Variants in DPYD observed in about 807,000 individuals in gnomAD.
DPYD encodes dihydropyrimidine dehydrogenase [NADP(+)].
Under a neutral mutation model 116.2 loss-of-function variants are expected in DPYD, and 109 were observed. The ratio of observed to expected loss-of-function variants is 0.94; its 90% CI spans 0.80 to 1.10. DPYD has a LOEUF of 1.10. Among genes scored for constraint, DPYD ranks in the 50% least tolerant of loss-of-function variants. The pLI is 0.00. For missense variants in DPYD, 1,302 were observed against 1,254.5 expected, an observed-to-expected ratio of 1.04 and a Z score of -0.57; for synonymous variants, 440 against 432.0, an observed-to-expected ratio of 1.02 and a Z score of -0.23.
intron 2 of DPYD, chr1:97,855,735 A>G (rs1670805295): frequency 6.6e-6 from 1 of 152,254 alleles, no homozygotes; most frequent in African/African-American, 2.4e-5. Flanking sequence ...GAACAACTTC[A>G]GACAGCATTG....
chr1:97,788,962 C>A (rs1667180790), intron 3 of DPYD, among the ~76,000 whole-genome samples: 1 of 152,042 alleles, frequency 6.6e-6, no homozygotes, highest in East Asian at 1.9e-4. Context: ...CACCACCATG[C>A]CCGGCTAATT....
intron 12 of DPYD, among the ~76,000 whole-genome samples, chr1:97,539,705 A>G (rs1390968355): frequency 1.3e-5 from 2 of 152,226 alleles, no homozygotes; most frequent in Non-Finnish European, 2.9e-5. Flanking sequence ...ATTTCTATAA[A>G]GATCAACATT....
chr1:97,561,370 G>C (rs893865848), intron 11 of DPYD, among the ~76,000 whole-genome samples: 8 of 152,126 alleles, frequency 5.3e-5, no homozygotes, highest in African/African-American at 1.9e-4. Flanking sequence ...TTTAGAATAA[G>C]TCACTTCATT....
chr1:97,154,263 T>C (rs913851498), intron 20 of DPYD, among the ~76,000 whole-genome samples: 3 of 151,976 alleles, frequency 2.0e-5, no homozygotes, highest in Non-Finnish European at 4.4e-5. Flanking sequence ...CATCAATCAA[T>C]GAGTGGATAA....
chr1:97,850,738 C>G lies in DPYD; in HGVS notation c.151-22542G>C, dbSNP rs12089025. 7.2e-3 allele frequency among the ~76,000 whole-genome samples: 1,014 copies of G among 141,238 alleles called. 8 individuals carry two copies. The highest frequency in any genetic ancestry group is 0.025 in the African/African-American group (961 of 38,306). 92.7% of individuals were successfully genotyped at this position (141,238 alleles called of 152,430 possible). A position where few individuals can be genotyped will look rare whatever the true frequency, so the allele number is the denominator to read the frequency against. On this transcript the variant is annotated intron_variant, in intron 2 of 22. Coordinates refer to ENST00000370192, the MANE Select transcript of DPYD (RefSeq NM_000110.4). ...ATAGAATTCGGTCACCTATTTTTTC[C>G]AACTTAATTTGATCGAGCAAATTGC...
intron 8 of DPYD, among the ~76,000 whole-genome samples, chr1:97,606,981 C>T (rs796154649): frequency 3.2e-4 from 49 of 151,820 alleles, no homozygotes; most frequent in African/African-American, 8.9e-4. Context: ...GTTCATATTA[C>T]GACAAATGTA....
chr1:97,901,298 C>T (rs1332624439), intron 1 of DPYD, among the ~76,000 whole-genome samples: 2 of 151,802 alleles, frequency 1.3e-5, no homozygotes, highest in Non-Finnish European at 2.9e-5. Context: ...AGTAACTCAA[C>T]GATTGCTGCA....
intron 13 of DPYD, among the ~76,000 whole-genome samples, chr1:97,452,470 C>A (rs1676470942): frequency 6.6e-6 from 1 of 152,056 alleles, no homozygotes; most frequent in African/African-American, 2.4e-5. Context: ...GTATGAGAAC[C>A]AAAGACATTT....
intron 13 of DPYD, among the ~76,000 whole-genome samples, chr1:97,503,763 T>TA (rs1191172165): frequency 6.6e-6 from 1 of 151,852 alleles, no homozygotes; most frequent in Non-Finnish European, 1.5e-5. Flanking sequence ...GCTGCCATAT[T>TA]AAAAAAATTA....
intron 14 of DPYD, among the ~76,000 whole-genome samples, chr1:97,437,483 G>A (rs926254127): frequency 2.0e-5 from 3 of 151,584 alleles, no homozygotes. Flanking sequence ...GTTTTTTGTT[G>A]TTGTTGTTGT....
chr1:97,520,353 T>C (rs1334284205), intron 12 of DPYD, among the ~76,000 whole-genome samples: 1 of 152,196 alleles, frequency 6.6e-6, no homozygotes, highest in Admixed American at 6.6e-5. Flanking sequence ...ACTTTACTCA[T>C]GCGTTAAACT....
intron 2 of DPYD, among the ~76,000 whole-genome samples, chr1:97,850,620 GAGA>G (rs1558007678): frequency 6.6e-6 from 1 of 152,002 alleles, no homozygotes; most frequent in Non-Finnish European, 1.5e-5. Context: ...AAGGAAAAAT[GAGA>G]AGAAGAAGAA....
chr1:97,593,361 G>A lies in DPYD; in HGVS notation c.985C>T (p.Pro329Ser). The change falls in exon 10 of 23, where the codon CCA becomes TCA. Residue 329 changes from proline (P) to serine (S), a missense_variant. Coordinates refer to ENST00000370192, the MANE Select transcript of DPYD (RefSeq NM_000110.4). ...ACAATCACGACTCCCCGTATCGATGGCAATGGAGAGTGACAGGCGCACATT... is the reference window on the plus strand; with the variant it reads ...ACAATCACGACTCCCCGTATCGATGACAATGGAGAGTGACAGGCGCACATT... The part of the protein sequence containing the change: ...AGMCACHSPL[P>S]SIRGVVIVLG... 1 of 1,614,130 alleles carries A rather than the reference G, an allele frequency of 6.2e-7. No individual in the cohort carries two copies. The highest frequency in any genetic ancestry group is 1.1e-5 in the South Asian group (1 of 91,078).
At chr1:97,101,469 CAAAAAAAAAA>C (rs59063384) in intron 20 of DPYD, among the ~76,000 whole-genome samples, 12 of 91,074 alleles carry the variant, frequency 1.3e-4, no homozygotes, top group Middle Eastern at 7.0e-3. Context: ...TTTGATCTTG[CAAAAAAAAAA>C]AAAAAAAAAA....
chr1:97,781,766 T>A (rs2101213362), intron 3 of DPYD, among the ~76,000 whole-genome samples: 1 of 152,336 alleles, frequency 6.6e-6, no homozygotes, highest in Admixed American at 6.5e-5. Context: ...ATACAAATGA[T>A]TTTAACAAGT....
intron 21 of DPYD, among the ~76,000 whole-genome samples, chr1:97,091,841 C>A (rs1375418146): frequency 6.6e-6 from 1 of 152,268 alleles, no homozygotes; most frequent in East Asian, 1.9e-4. Context: ...GCCCTTGCCC[C>A]TCTAGCAAAC....
chr1:97,090,317 A>C (rs902668218), intron 21 of DPYD, among the ~76,000 whole-genome samples: 1 of 152,132 alleles, frequency 6.6e-6, no homozygotes, highest in Non-Finnish European at 1.5e-5. Context: ...GTTTAGAGCT[A>C]CCCTTTGGAA....
chr1:97,352,567 A>AC (rs1431391185), intron 16 of DPYD, among the ~76,000 whole-genome samples: 1 of 151,764 alleles, frequency 6.6e-6, no homozygotes, highest in Non-Finnish European at 1.5e-5. Flanking sequence ...AAATAGTAAA[A>AC]AAAAAAAAAA....
chr1:97,258,412 C>T (rs572141480), intron 18 of DPYD, among the ~76,000 whole-genome samples: 2 of 152,304 alleles, frequency 1.3e-5, no homozygotes, highest in South Asian at 2.1e-4. Flanking sequence ...AGGCTGCTCC[C>T]GCCTTCCATC....
Sources: allele counts gnomAD v4.1 joint callset (sites outside exome capture counted in the v4.1 genomes callset), GRCh38; gene constraint gnomAD v4.1.1; transcripts MANE v1.5; gene names NCBI Gene and HGNC (gene_info 2026-07-23, HGNC 2026-07-21).